Variants in RP1 observed in about 807,000 individuals in gnomAD.
The protein encoded by RP1 is RP1 axonemal microtubule associated.
A neutral mutation model predicts 14.8 loss-of-function variants in RP1; 16 were observed. The ratio of observed to expected loss-of-function variants is 1.08; its 90% CI spans 0.73 to 1.65. RP1 has a LOEUF of 1.65. Among genes scored for constraint, RP1 ranks in the 40% most tolerant of loss-of-function variants. RP1 has a pLI of 0.00. For synonymous variants in RP1, 876 were observed against 883.6 expected, an observed-to-expected ratio of 0.99 and a Z score of 0.15; for missense variants, 2,631 against 2,535.0, an observed-to-expected ratio of 1.04 and a Z score of -0.81.
intron 1 of RP1, among the ~76,000 whole-genome samples, chr8:54,587,351 G>T (rs913446432): frequency 6.6e-6 from 1 of 151,714 alleles, no homozygotes; most frequent in Non-Finnish European, 1.5e-5. Flanking sequence ...GCTTGAACTC[G>T]GAAGATGGAG....
intron 21 of RP1, chr8:54,758,802 C>A: frequency 1.0e-6 from 1 of 1,001,132 alleles, no homozygotes; most frequent in Non-Finnish European, 1.4e-6. Flanking sequence ...ACTACAGTAA[C>A]ATCTCTTTTA....
intron 4 of RP1, among the ~76,000 whole-genome samples, chr8:54,651,527 G>A (rs1048523221): frequency 1.2e-4 from 19 of 152,046 alleles, no homozygotes; most frequent in African/African-American, 4.6e-4. Flanking sequence ...TCCATTTCAT[G>A]TAGGTTATCT....
intron 15 of RP1, among the ~76,000 whole-genome samples, chr8:54,715,446 T>C (rs1013355405): frequency 1.3e-5 from 2 of 152,250 alleles, no homozygotes; most frequent in Non-Finnish European, 2.9e-5. Context: ...TGTAGTTATA[T>C]TCAATTTTTA....
At chr8:54,830,436 C>T (rs373172624) in intron 24 of RP1, among the ~76,000 whole-genome samples, 1 of 152,064 alleles carries the variant, frequency 6.6e-6, no homozygotes, top group African/African-American at 2.4e-5. Flanking sequence ...ACTCCCTCCC[C>T]CCACTGACCT....
intron 15 of RP1, among the ~76,000 whole-genome samples, chr8:54,707,633 C>T (rs976774121): frequency 2.0e-5 from 3 of 152,198 alleles, no homozygotes; most frequent in African/African-American, 4.8e-5. Context: ...CGCCCTCTCC[C>T]TTCTTACCAG....
chr8:54,599,659 T>C lies in RP1; in HGVS notation c.-12-21296T>C, dbSNP rs185268463. On this transcript the variant is annotated intron_variant, in intron 1 of 22. Transcript: ENST00000636932. Reference sequence around the variant, plus strand: ...TGGTAGAGGCGATGTTTCATCATGTTGGCCAGGCTGGTCTCAAACTCCTGA... The same window carrying C: ...TGGTAGAGGCGATGTTTCATCATGTCGGCCAGGCTGGTCTCAAACTCCTGA... Among the ~76,000 whole-genome samples the C allele has an allele frequency of 9.3e-3, 1,420 of 152,262 alleles. 9 individuals are homozygous for C. Among genetic ancestry groups the C allele is most frequent in the Middle Eastern group, 0.037 (11 of 294 alleles).
chr8:54,858,777 G>A lies in RP1; in HGVS notation c.4069+1671G>A, dbSNP rs777405366. Among the ~76,000 whole-genome samples the A allele has an allele frequency of 8.0e-5, 12 of 150,938 alleles. 1 individual carries two copies. Among genetic ancestry groups the A allele is most frequent in the East Asian group, 3.9e-4 (2 of 5,070 alleles). On this transcript the variant is annotated intron_variant, in intron 27 of 28. Coordinates refer to the RP1 transcript ENST00000637698. ...CAATGTTACTATAGAGTGATGTCAC[G>A]GTGGAATGTTCTCACTGTAGAGCAG...
At chr8:54,636,781 C>G (rs1806354386) in intron 3 of RP1, among the ~76,000 whole-genome samples, 1 of 152,102 alleles carries the variant, frequency 6.6e-6, no homozygotes, top group Non-Finnish European at 1.5e-5. Flanking sequence ...ATATGTATCC[C>G]ATTTATTCTC....
chr8:54,854,859 T>C (rs931575131), intron 26 of RP1, among the ~76,000 whole-genome samples: 7 of 152,156 alleles, frequency 4.6e-5, no homozygotes, highest in African/African-American at 1.7e-4. Context: ...AGAAAGACTC[T>C]GTCTCAAAAA....
At chr8:54,819,648 A>T (rs1212506524) in intron 24 of RP1, among the ~76,000 whole-genome samples, 1 of 152,128 alleles carries the variant, frequency 6.6e-6, no homozygotes, top group East Asian at 1.9e-4. Context: ...GAGTGTTGTG[A>T]TCTGAGTCTT....
rs2129318266 is a variant in RP1, at chr8:54,629,444, GA to G, written c.5564del (p.Lys1855ArgfsTer42). On this transcript the variant is annotated frameshift_variant, in exon 4 of 4. Coordinates refer to ENST00000220676, the MANE Select transcript of RP1 (RefSeq NM_006269.2). LOFTEE classifies it low-confidence loss of function (END_TRUNC). ...GAATAGCAAATCATCATACAGAGGA[GA>G]AGGGTAGTCATCAGTCAGAAAGAGT... is the stretch of plus-strand genomic sequence containing the variant. ...ERIANHHTEE[K>X]GSHQSERVCT... 1.2e-6 allele frequency: 2 copies of G among 1,614,156 alleles called. No individual in the cohort carries two copies. The highest frequency in any genetic ancestry group is 3.3e-5 in the Admixed American group (2 of 60,024).
intron 3 of RP1, among the ~76,000 whole-genome samples, chr8:54,622,641 A>G (rs890117212): frequency 6.6e-6 from 1 of 152,202 alleles, no homozygotes; most frequent in Non-Finnish European, 1.5e-5. Flanking sequence ...TCTAAATAGT[A>G]CCATGCAGCA....
chr8:54,608,157 G>A (rs576851925), intron 1 of RP1, among the ~76,000 whole-genome samples: 1 of 151,310 alleles, frequency 6.6e-6, no homozygotes, highest in Admixed American at 6.6e-5. Context: ...CTGGAGACTG[G>A]AGCTGTTCCT....
In RP1 at chr8:54,621,390, G is replaced by A. The variant is rs367600337; in HGVS notation, c.424G>A (p.Val142Ile). The A allele has an allele frequency of 1.5e-5, 24 of 1,612,122 alleles. No individual in the cohort carries two copies. In the East Asian group the frequency reaches 4.2e-4, roughly 28 times the overall value. ...TAGCGCGCACTCACCGCCCCACCCC[G>A]TAGCCGTCGCTGCTCCCGGCATGCC... ...AISAHSPPHP[V>I]AVAAPGMPRP... is the part of the protein sequence containing the mutation. Residue 142 changes from valine (V) to isoleucine (I), a missense_variant, in exon 2 of 4, where the codon GTA becomes ATA. Val to Ile is a conservative substitution (Grantham distance 29). Transcript: ENST00000220676.
chr8:54,805,717 G>T (rs1167469713), intron 24 of RP1, among the ~76,000 whole-genome samples: 1 of 144,556 alleles, frequency 6.9e-6, no homozygotes, highest in Non-Finnish European at 1.5e-5. Flanking sequence ...CATTTCTCTA[G>T]TTTTTTTTTT....
Position 54,768,014 on chromosome 8 carries a change from A to AGTGTG in RP1, c.3249-1723_3249-1719dup, listed in dbSNP as rs1373516857. ...CCCATTATCTGCTGATTGCAAGGCT[A>AGTGTG]GTGTGGTGACGTCAGTCCTACAGCT... On this transcript the variant is annotated intron_variant, in intron 22 of 22. Coordinates refer to the RP1 transcript ENST00000636932. Among the ~76,000 whole-genome samples, 9 of 152,194 alleles carry AGTGTG rather than the reference A, an allele frequency of 5.9e-5. 1 individual carries two copies. The highest frequency in any genetic ancestry group is 5.9e-4 in the Admixed American group (9 of 15,274).
intron 22 of RP1, among the ~76,000 whole-genome samples, chr8:54,768,097 G>A (rs948516159): frequency 2.6e-5 from 4 of 152,148 alleles, no homozygotes; most frequent in African/African-American, 9.7e-5. Context: ...CACAACCCCT[G>A]CCGCTACCCC....
Position 54,629,237 on chromosome 8 carries a change from T to G in RP1, c.5355T>G (p.Tyr1785Ter), listed in dbSNP as rs1806178203. 6.2e-7 allele frequency: 1 copy of G among 1,613,956 alleles called. No individual in the cohort carries two copies. Among genetic ancestry groups the G allele is most frequent in the South Asian group, 1.1e-5 (1 of 91,080 alleles). ...LLDNNSSEVPYSHFGNLAPGP... is the reference protein window; with the variant it reads ...LLDNNSSEVP ...ATAATAACAGCAGTGAGGTACCATA[T>G]TCACATTTTGGTAATTTGGCCCCAG... Residue 1785 changes from tyrosine to a stop codon, truncating the protein, a stop_gained, in exon 4 of 4, where the codon TAT becomes TAG. Coordinates refer to ENST00000220676, the MANE Select transcript of RP1 (RefSeq NM_006269.2). LOFTEE classifies it low-confidence loss of function (END_TRUNC).
intron 1 of RP1, among the ~76,000 whole-genome samples, chr8:54,607,424 C>T (rs1260456697): frequency 6.6e-6 from 1 of 152,254 alleles, no homozygotes; most frequent in Admixed American, 6.5e-5. Context: ...CAGAAGAGTA[C>T]CCAGCTGTGT....
Sources: gnomAD v4.1 joint callset for allele counts (sites outside exome capture counted in the v4.1 genomes callset) on GRCh38, gnomAD v4.1.1 for gene constraint, MANE v1.5 for transcripts, NCBI Gene and HGNC (gene_info 2026-07-23, HGNC 2026-07-21) for gene names.